The following PTPRD variants were observed in gnomAD, a reference collection of about 807,000 sequenced individuals.
PTPRD encodes the protein protein tyrosine phosphatase receptor type D.
In PTPRD, 34 loss-of-function variants were observed where a neutral mutation model predicts 214.5. That is an observed-to-expected ratio of 0.16 (90% CI 0.12 to 0.21). PTPRD has a LOEUF of 0.21. Ranked by LOEUF, PTPRD falls within the 10% of genes least tolerant of loss-of-function variation. PTPRD has a pLI of 1.00. For missense variants in PTPRD, 2,545 were observed against 2,398.7 expected, an observed-to-expected ratio of 1.06 and a Z score of -1.27; for synonymous variants, 1,128 against 845.7, an observed-to-expected ratio of 1.33 and a Z score of -5.79.
At chr9:10,397,196 G>A (rs1310374511) in intron 2 of PTPRD, among the ~76,000 whole-genome samples, 1 of 152,004 alleles carries the variant, frequency 6.6e-6, no homozygotes, top group Non-Finnish European at 1.5e-5. Flanking sequence ...GAACGTTCTT[G>A]CATTTGCACA....
At chr9:8,389,459 C>G (rs772553257) in intron 36 of PTPRD, 52 bp from the exon 37 acceptor site, 3 of 1,409,314 alleles carry the variant, frequency 2.1e-6, no homozygotes, top group Non-Finnish European at 2.9e-6. Context: ...CAAGAGGAAA[C>G]AGCCTGGGAC....
chr9:9,205,586 A>G (rs1372078266), intron 9 of PTPRD, among the ~76,000 whole-genome samples: 2 of 152,202 alleles, frequency 1.3e-5, no homozygotes, highest in African/African-American at 4.8e-5. Flanking sequence ...GCATTATCTA[A>G]AATGACATTG....
At chr9:8,620,874 T>A (rs1451070383) in intron 14 of PTPRD, among the ~76,000 whole-genome samples, 1 of 152,012 alleles carries the variant, frequency 6.6e-6, no homozygotes, top group Non-Finnish European at 1.5e-5. Flanking sequence ...AGTGCTGATG[T>A]ACACAAGTAA....
chr9:10,347,028 G>GA lies in PTPRD; in HGVS notation c.-599-6012dup, dbSNP rs112396511. 1.5e-3 allele frequency among the ~76,000 whole-genome samples: 223 copies of GA among 151,658 alleles called. 2 individuals are homozygous for GA. The highest frequency in any genetic ancestry group is 4.7e-3 in the African/African-American group (195 of 41,372). On this transcript the variant is annotated intron_variant, in intron 2 of 45. Coordinates refer to ENST00000381196, the MANE Select transcript of PTPRD (RefSeq NM_002839.4). ...CAGGTGGCCACATGCTAGACCATGG[G>GA]AAAAAAAATAAAAATTATCTTTTCT...
intron 30 of PTPRD, among the ~76,000 whole-genome samples, chr9:8,476,902 A>G (rs940244099): frequency 2.6e-5 from 4 of 152,140 alleles, no homozygotes; most frequent in Admixed American, 1.3e-4. Flanking sequence ...CCTTTCTTCA[A>G]ACCAGCAATG....
chr9:10,578,713 A>G (rs2070525292), intron 2 of PTPRD, among the ~76,000 whole-genome samples: 1 of 152,150 alleles, frequency 6.6e-6, no homozygotes, highest in African/African-American at 2.4e-5. Context: ...ACTTTCGTTC[A>G]TATTAGTTTT....
intron 35 of PTPRD, among the ~76,000 whole-genome samples, chr9:8,407,280 T>A (rs2130782255): frequency 1.3e-5 from 2 of 152,296 alleles, no homozygotes; most frequent in African/African-American, 4.8e-5. Flanking sequence ...TATGCTTGAT[T>A]TTCACAATTG....
chr9:9,558,384 A>G (rs1222146718), intron 8 of PTPRD, among the ~76,000 whole-genome samples: 5 of 152,152 alleles, frequency 3.3e-5, no homozygotes, highest in African/African-American at 1.2e-4. Flanking sequence ...TCCTTGACTA[A>G]GGCACAGCCA....
chr9:8,529,178 G>A (rs2075030620), intron 14 of PTPRD, among the ~76,000 whole-genome samples: 1 of 152,016 alleles, frequency 6.6e-6, no homozygotes, highest in Non-Finnish European at 1.5e-5. Flanking sequence ...AGAAAGATTC[G>A]GGAATGTCAC....
At chr9:10,183,746 T>C (rs2099314221) in intron 3 of PTPRD, among the ~76,000 whole-genome samples, 1 of 152,188 alleles carries the variant, frequency 6.6e-6, no homozygotes, top group East Asian at 1.9e-4. Context: ...AGTTACTTTT[T>C]TCAGATAAAA....
At chr9:8,350,475 G>A (rs758696369) in intron 39 of PTPRD, among the ~76,000 whole-genome samples, 1 of 152,130 alleles carries the variant, frequency 6.6e-6, no homozygotes, top group East Asian at 1.9e-4. Flanking sequence ...TGACATCTAT[G>A]AGAAAAGATT....
intron 7 of PTPRD, among the ~76,000 whole-genome samples, chr9:9,632,959 T>A (rs2095639075): frequency 6.6e-6 from 1 of 151,988 alleles, no homozygotes; most frequent in Admixed American, 6.6e-5. Context: ...TTGGGAAACA[T>A]TATAGCCAAA....
At chr9:10,226,328 C>T (rs1482558833) in intron 3 of PTPRD, among the ~76,000 whole-genome samples, 1 of 152,016 alleles carries the variant, frequency 6.6e-6, no homozygotes, top group Non-Finnish European at 1.5e-5. Flanking sequence ...TGCCTCCTTG[C>T]CCTGTGACCA....
At chr9:8,541,107 T>C (rs1278767032) in intron 14 of PTPRD, among the ~76,000 whole-genome samples, 1 of 152,218 alleles carries the variant, frequency 6.6e-6, no homozygotes, top group African/African-American at 2.4e-5. Context: ...AGATAACTTA[T>C]ATGTCTCAGA....
intron 43 of PTPRD, among the ~76,000 whole-genome samples, chr9:8,337,954 A>G (rs1326424733): frequency 6.6e-6 from 1 of 151,930 alleles, no homozygotes; most frequent in Admixed American, 6.6e-5. Flanking sequence ...TGTCACCTTC[A>G]GAATAGTTAA....
At chr9:8,839,389 G>A (rs368987783) in intron 11 of PTPRD, among the ~76,000 whole-genome samples, 5 of 152,022 alleles carry the variant, frequency 3.3e-5, no homozygotes, top group South Asian at 4.1e-4. Context: ...GCTGTGGCGC[G>A]ATCTTGGCTC....
At chr9:9,147,119 A>G (rs961963225) in intron 10 of PTPRD, among the ~76,000 whole-genome samples, 1 of 152,260 alleles carries the variant, frequency 6.6e-6, no homozygotes, top group African/African-American at 2.4e-5. Context: ...AATGATTCTT[A>G]TTTTATATGA....
intron 35 of PTPRD, among the ~76,000 whole-genome samples, chr9:8,411,848 TTGA>T (rs1289931473): frequency 1.3e-5 from 2 of 151,958 alleles, no homozygotes; most frequent in African/African-American, 4.8e-5. Flanking sequence ...TTCTATATAG[TTGA>T]TGTTCTTAAG....
intron 39 of PTPRD, among the ~76,000 whole-genome samples, chr9:8,349,050 A>T (rs1290119944): frequency 2.1e-5 from 1 of 47,042 alleles, no homozygotes; most frequent in Non-Finnish European, 1.1e-4. Context: ...AAATTTATAA[A>T]AAAAAAAAAT....
Sources: gnomAD v4.1 joint callset for allele counts (sites outside exome capture counted in the v4.1 genomes callset) on GRCh38, gnomAD v4.1.1 for gene constraint, MANE v1.5 for transcripts, NCBI Gene and HGNC (gene_info 2026-07-23, HGNC 2026-07-21) for gene names.